SLC30A6: variants seen among roughly 807,000 people sequenced by gnomAD.
The protein encoded by SLC30A6 is zinc transporter 6.
A neutral mutation model predicts 63.0 loss-of-function variants in SLC30A6; 55 were observed. The observed-to-expected ratio is 0.87, with a 90% CI of 0.70 to 1.09. The LOEUF (loss-of-function observed/expected upper bound fraction) is 1.09, where lower values mean the gene tolerates loss of function less well. Among genes scored for constraint, SLC30A6 ranks in the 50% least tolerant of loss-of-function variants. The pLI, the probability that SLC30A6 is intolerant of heterozygous loss-of-function variation, is 0.00. For missense variants in SLC30A6, 587 were observed against 549.2 expected (o/e 1.07, Z -0.69); for synonymous variants, 224 against 186.1 (o/e 1.20, Z -1.66).
At chr2:32,177,567 C>T (rs4258846) in intron 4 of SLC30A6, 62,865 of 193,378 alleles carry the variant, frequency 0.33, 10,572 homozygotes, top group East Asian at 0.36. Flanking sequence ...GCTGGGATAA[C>T]AGGCGTGAGC....
chr2:32,184,267 A>T lies in SLC30A6; in HGVS notation c.219-6A>T, dbSNP rs757059905. 1 of 1,482,786 alleles carries T rather than the reference A, an allele frequency of 6.7e-7. No individual in the cohort carries two copies. Among genetic ancestry groups the T allele is most frequent in the Non-Finnish European group, 9.1e-7 (1 of 1,097,394 alleles). 91.9% of individuals were successfully genotyped at this position (1,482,786 alleles called of 1,614,324 possible). ...TAATACTAAATTTATTTTTCTTTTT[A>T]CTTAGTTTAATGACATGTTTAATAA... is the stretch of plus-strand genomic sequence containing the variant. On this transcript the variant is annotated splice_region_variant and splice_polypyrimidine_tract_variant and intron_variant, in intron 4 of 13. Coordinates refer to ENST00000282587, the MANE Select transcript of SLC30A6 (RefSeq NM_017964.5).
chr2:32,195,200 A>G (rs1356849510), intron 8 of SLC30A6, among the ~76,000 whole-genome samples: 1 of 150,508 alleles, frequency 6.6e-6, no homozygotes, highest in Non-Finnish European at 1.5e-5. Flanking sequence ...CCTTGGTTCA[A>G]GGGGTTACAG....
chr2:32,169,186 T>C (rs1680948638), intron 1 of SLC30A6, among the ~76,000 whole-genome samples: 1 of 152,110 alleles, frequency 6.6e-6, no homozygotes, highest in East Asian at 1.9e-4. Flanking sequence ...TATTTATTTA[T>C]TTATTTCGAG....
At chr2:32,176,264 G>T (rs1321203774) in intron 4 of SLC30A6, among the ~76,000 whole-genome samples, 4 of 152,148 alleles carry the variant, frequency 2.6e-5, no homozygotes, top group Non-Finnish European at 5.9e-5. Context: ...AAATTACTCT[G>T]AGATGCTGTT....
At chr2:32,171,446 A>G in intron 2 of SLC30A6, 73 bp downstream of exon 2, 2 of 1,228,900 alleles carry the variant, frequency 1.6e-6, no homozygotes, top group Admixed American at 1.8e-5. Flanking sequence ...GATAATTTTT[A>G]AGGCCAATAG....
In SLC30A6 at chr2:32,165,895, C is replaced by A. The variant is rs770529352; in HGVS notation, c.-6C>A. 1 of 1,614,052 alleles carries A rather than the reference C, an allele frequency of 6.2e-7. No individual in the cohort carries two copies. Among genetic ancestry groups the A allele is most frequent in the Admixed American group, 1.7e-5 (1 of 60,002 alleles). ...GCTTCCGGCGGGAGCTGTGCAGCTCCTTATCATGGTGAGTTGGCTGTTGGG... is the reference window on the plus strand; with the variant it reads ...GCTTCCGGCGGGAGCTGTGCAGCTCATTATCATGGTGAGTTGGCTGTTGGG... On this transcript the variant is annotated 5_prime_UTR_variant, in exon 1 of 14. Transcript: ENST00000282587.
intron 5 of SLC30A6, among the ~76,000 whole-genome samples, chr2:32,188,008 C>T (rs1270731248): frequency 2.6e-5 from 4 of 152,110 alleles, no homozygotes; most frequent in Admixed American, 6.6e-5. Context: ...TAGTTGTTTC[C>T]CGTAATACTT....
At chr2:32,167,292 C>T (rs1680762606) in intron 1 of SLC30A6, among the ~76,000 whole-genome samples, 1 of 151,716 alleles carries the variant, frequency 6.6e-6, no homozygotes, top group South Asian at 2.1e-4. Context: ...TCAGGCTGAT[C>T]GCGAACTCCT....
At chr2:32,168,565 G>T (rs1032494428) in intron 1 of SLC30A6, among the ~76,000 whole-genome samples, 1 of 151,894 alleles carries the variant, frequency 6.6e-6, no homozygotes, top group African/African-American at 2.4e-5. Flanking sequence ...AAAATAAGTG[G>T]CATAAAAAAC....
rs146917466 is a variant in SLC30A6, at chr2:32,218,117, T to C, written c.886-2096T>C. Among the ~76,000 whole-genome samples, 378 of 152,210 alleles carry C rather than the reference T, an allele frequency of 2.5e-3. 1 individual carries two copies. Among genetic ancestry groups the C allele is most frequent in the African/African-American group, 8.9e-3 (368 of 41,524 alleles). On this transcript the variant is annotated intron_variant, in intron 13 of 13. Coordinates refer to ENST00000282587, the MANE Select transcript of SLC30A6 (RefSeq NM_017964.5). ...AAAATAGGATCATTTGCTGATTATCTACTTTAAAAACATAATTTATGGACC... is the reference window on the plus strand; with the variant it reads ...AAAATAGGATCATTTGCTGATTATCCACTTTAAAAACATAATTTATGGACC...
chr2:32,201,115 A>G (rs1314753776), intron 10 of SLC30A6, among the ~76,000 whole-genome samples: 2 of 152,126 alleles, frequency 1.3e-5, no homozygotes, highest in African/African-American at 4.8e-5. Flanking sequence ...CGGCCATGGT[A>G]CTCTGTAGAC....
intron 4 of SLC30A6, among the ~76,000 whole-genome samples, chr2:32,176,897 C>T (rs1230917704): frequency 6.6e-6 from 1 of 151,728 alleles, no homozygotes; most frequent in Admixed American, 6.6e-5. Flanking sequence ...CTCAGCCTCC[C>T]AAGTAGCTGG....
intron 13 of SLC30A6, among the ~76,000 whole-genome samples, chr2:32,213,788 AG>A (rs1358415217): frequency 6.9e-6 from 1 of 145,774 alleles, no homozygotes; most frequent in African/African-American, 2.5e-5. Context: ...TAACAGGTCT[AG>A]GATAAACTTT....
intron 2 of SLC30A6, among the ~76,000 whole-genome samples, chr2:32,172,547 T>G (rs1681331692): frequency 6.6e-6 from 1 of 152,120 alleles, no homozygotes; most frequent in South Asian, 2.1e-4. Context: ...CTCAACTCTT[T>G]TGTGCTCCCC....
intron 13 of SLC30A6, among the ~76,000 whole-genome samples, chr2:32,214,022 G>A (rs1162075808): frequency 1.3e-5 from 2 of 151,996 alleles, no homozygotes; most frequent in Non-Finnish European, 1.5e-5. Context: ...TGATTCAGGA[G>A]GTTGGAATCT....
intron 13 of SLC30A6, among the ~76,000 whole-genome samples, chr2:32,216,691 T>G (rs1291489303): frequency 6.6e-6 from 1 of 152,118 alleles, no homozygotes; most frequent in African/African-American, 2.4e-5. Context: ...TTCATGCTTC[T>G]TGGCCACTTG....
intron 4 of SLC30A6, among the ~76,000 whole-genome samples, chr2:32,183,041 G>A (rs1327394133): frequency 3.9e-5 from 6 of 151,962 alleles, no homozygotes; most frequent in Non-Finnish European, 7.4e-5. Context: ...ACAAAAATTA[G>A]CCGGGCATGG....
At chr2:32,200,075 T>TACACAC (rs1684142359) in intron 10 of SLC30A6, among the ~76,000 whole-genome samples, 1 of 151,224 alleles carries the variant, frequency 6.6e-6, no homozygotes, top group African/African-American at 2.4e-5. Flanking sequence ...ATGAGACATA[T>TACACAC]ATACACACAC....
chr2:32,173,780 C>T (rs149938928), intron 2 of SLC30A6, among the ~76,000 whole-genome samples: 2 of 152,216 alleles, frequency 1.3e-5, no homozygotes, highest in East Asian at 3.9e-4. Flanking sequence ...AGAGACAAAA[C>T]GATATGCATA....
Sources: allele counts gnomAD v4.1 joint callset (sites outside exome capture counted in the v4.1 genomes callset), GRCh38; gene constraint gnomAD v4.1.1; transcripts MANE v1.5; gene names NCBI Gene and HGNC (gene_info 2026-07-23, HGNC 2026-07-21).